Variants in ALDH1A2 observed in about 807,000 individuals in gnomAD.
The protein encoded by ALDH1A2 is retinal dehydrogenase 2.
ALDH1A2 carries 27 observed loss-of-function variants against 60.3 expected under a neutral mutation model. That is an observed-to-expected ratio of 0.45 (90% confidence interval 0.33 to 0.62). The LOEUF is 0.62. ALDH1A2 is among the 20% of genes least tolerant of loss of function. The probability of loss-of-function intolerance (pLI) is 0.02; values close to 1 mark genes in which losing one functional copy is unlikely to be tolerated. For synonymous variants in ALDH1A2, 289 were observed against 232.4 expected (o/e 1.24, Z -2.21); for missense variants, 581 against 643.8 (o/e 0.90, Z 1.06).
At chr15:57,978,552 T>A (rs1236112831) in intron 7 of ALDH1A2, among the ~76,000 whole-genome samples, 5 of 152,178 alleles carry the variant, frequency 3.3e-5, no homozygotes, top group African/African-American at 9.7e-5. Context: ...TTGTGGTGGA[T>A]AAGATTTTTT....
chr15:58,065,343 C>T, intron 1 of ALDH1A2, 191 bp downstream of exon 1: 1 of 664,698 alleles, frequency 1.5e-6, no homozygotes, highest in South Asian at 1.6e-5. Flanking sequence ...AAGGCGTCCT[C>T]AGACCACGGC....
intron 9 of ALDH1A2, among the ~76,000 whole-genome samples, chr15:57,963,479 A>G (rs1418482829): frequency 2.0e-5 from 3 of 151,048 alleles, no homozygotes; most frequent in African/African-American, 7.3e-5. Context: ...AGCTGGGATT[A>G]CAGGTACCCG....
intron 4 of ALDH1A2, among the ~76,000 whole-genome samples, chr15:58,001,555 A>T (rs373630371): frequency 1.1e-4 from 16 of 152,008 alleles, no homozygotes; most frequent in Admixed American, 6.6e-4. Context: ...GACAGTGTTA[A>T]TTCTCCCTCT....
intron 1 of ALDH1A2, among the ~76,000 whole-genome samples, chr15:58,026,732 G>A (rs767827564): frequency 3.3e-5 from 5 of 152,144 alleles, no homozygotes; most frequent in East Asian, 1.9e-4. Flanking sequence ...TGCCAGGTTC[G>A]GCGGGTCCCA....
intron 5 of ALDH1A2, 55 bp from the exon 6 acceptor site, chr15:57,993,128 G>GT (rs1330246764): frequency 6.3e-7 from 1 of 1,598,902 alleles, no homozygotes; most frequent in African/African-American, 1.3e-5. Flanking sequence ...CCACTACTTT[G>GT]TTTTCAAGCT....
At chr15:58,021,230 G>T (rs1279364028) in intron 1 of ALDH1A2, among the ~76,000 whole-genome samples, 1 of 152,114 alleles carries the variant, frequency 6.6e-6, no homozygotes, top group Non-Finnish European at 1.5e-5. Context: ...TTGAGTTGGG[G>T]AGGGTTCACT....
chr15:58,047,546 A>G lies in ALDH1A2; in HGVS notation c.117+17988T>C, dbSNP rs1380402067. ...CTATCATTTACCTATAAAAAACTGT[A>G]TTGATGATCATCTCAGTATGGCACT... On this transcript the variant is annotated intron_variant, in intron 1 of 12. Transcript: ENST00000249750. 2.6e-5 allele frequency among the ~76,000 whole-genome samples: 4 copies of G among 152,012 alleles called. No individual in the cohort carries two copies. The East Asian group carries it at 7.7e-4, about 29-fold the overall frequency.
At chr15:57,972,700 G>C (rs1428826303) in intron 7 of ALDH1A2, among the ~76,000 whole-genome samples, 2 of 152,124 alleles carry the variant, frequency 1.3e-5, no homozygotes, top group African/African-American at 4.8e-5. Context: ...GAAGTTTTAT[G>C]CTAATAGTTT....
chr15:57,982,565 T>A (rs34575673), intron 7 of ALDH1A2, among the ~76,000 whole-genome samples: 87 of 152,300 alleles, frequency 5.7e-4, no homozygotes, highest in African/African-American at 2.0e-3. Flanking sequence ...TGAACTACAT[T>A]AATGCTGTAA....
rs1330212284 is a variant in ALDH1A2, at chr15:57,980,960, T to C, written c.798+11745A>G. The stretch of plus-strand genomic sequence containing the variant: ...TAGGCTATTAATTATTGCCTCAATT[T>C]CAGAGCCTATTGTTGGTCTGTTCAG... On this transcript the variant is annotated intron_variant, in intron 7 of 12. Coordinates refer to ENST00000249750, the MANE Select transcript of ALDH1A2 (RefSeq NM_003888.4). Among the ~76,000 whole-genome samples, 3 of 152,332 alleles carry C rather than the reference T, an allele frequency of 2.0e-5. No individual in the cohort carries two copies. In the East Asian group the frequency reaches 5.8e-4, roughly 29 times the overall value.
chr15:58,060,011 C>T (rs1369274167), intron 1 of ALDH1A2, among the ~76,000 whole-genome samples: 2 of 152,146 alleles, frequency 1.3e-5, no homozygotes, highest in African/African-American at 4.8e-5. Context: ...CAACCTCTGC[C>T]TCCTGGGTTC....
chr15:58,038,732 G>T (rs1350371672), intron 1 of ALDH1A2: 4 of 151,686 alleles, frequency 2.6e-5, no homozygotes, highest in African/African-American at 9.7e-5. Flanking sequence ...TCAATATTGT[G>T]GTAGAAGGCA....
At chr15:58,061,739 CTATT>C (rs1897045044) in intron 1 of ALDH1A2, among the ~76,000 whole-genome samples, 1 of 151,512 alleles carries the variant, frequency 6.6e-6, no homozygotes, top group Non-Finnish European at 1.5e-5. Flanking sequence ...ATGAATTATT[CTATT>C]TATTTCTACT....
intron 1 of ALDH1A2, among the ~76,000 whole-genome samples, chr15:58,025,919 A>C (rs1284540454): frequency 6.6e-6 from 1 of 152,206 alleles, no homozygotes; most frequent in African/African-American, 2.4e-5. Context: ...TCATTACCTC[A>C]GAGAGTGCAC....
At chr15:58,024,311 T>G (rs79999128) in intron 1 of ALDH1A2, among the ~76,000 whole-genome samples, 3,932 of 152,196 alleles carry the variant, frequency 0.026, 75 homozygotes, top group Non-Finnish European at 0.041. Context: ...TGATCCAATT[T>G]TATACTGCCT....
chr15:57,974,078 T>C (rs139131407), intron 7 of ALDH1A2, among the ~76,000 whole-genome samples: 285 of 152,170 alleles, frequency 1.9e-3, no homozygotes, highest in African/African-American at 6.6e-3. Flanking sequence ...GCTATAATAG[T>C]CAAAATAATG....
chr15:57,980,347 C>G, intron 7 of ALDH1A2: 2 of 406,522 alleles, frequency 4.9e-6, no homozygotes, highest in Admixed American at 5.1e-5. Context: ...CCATGGGGTT[C>G]ATGTCATAGC....
intron 1 of ALDH1A2, among the ~76,000 whole-genome samples, chr15:58,026,239 T>A (rs558380018): frequency 6.6e-6 from 1 of 152,208 alleles, no homozygotes; most frequent in African/African-American, 2.4e-5. Context: ...TATGATAAAG[T>A]AGGATTTTTA....
chr15:57,976,791 T>G (rs942687511), intron 7 of ALDH1A2, among the ~76,000 whole-genome samples: 10 of 152,192 alleles, frequency 6.6e-5, no homozygotes, highest in African/African-American at 2.4e-4. Flanking sequence ...GTAATGCGAT[T>G]GTTGGGTCAA....
Sources: allele counts gnomAD v4.1 joint callset (sites outside exome capture counted in the v4.1 genomes callset), GRCh38; gene constraint gnomAD v4.1.1; transcripts MANE v1.5; gene names NCBI Gene and HGNC (gene_info 2026-07-23, HGNC 2026-07-21).